Variants in FHIT observed in about 807,000 individuals in gnomAD.
The protein encoded by FHIT is bis(5'-adenosyl)-triphosphatase.
In FHIT, 19 loss-of-function variants were observed where a neutral mutation model predicts 17.9. That is an observed-to-expected ratio of 1.06 (90% CI 0.74 to 1.56). The LOEUF (loss-of-function observed/expected upper bound fraction) is 1.56. Ranked by LOEUF, FHIT falls within the 40% of genes most tolerant of loss-of-function variation. FHIT has a pLI of 0.00. For missense variants in FHIT, 248 were observed against 189.2 expected, an observed-to-expected ratio of 1.31 and a Z score of -1.82; for synonymous variants, 81 against 69.7, an observed-to-expected ratio of 1.16 and a Z score of -0.81.
At chr3:61,201,720 G>A (rs1348619217) in intron 1 of FHIT, among the ~76,000 whole-genome samples, 2 of 149,694 alleles carry the variant, frequency 1.3e-5, no homozygotes, top group Non-Finnish European at 2.9e-5. Flanking sequence ...CCCTTCTATG[G>A]GACAGCATCA....
intron 5 of FHIT, among the ~76,000 whole-genome samples, chr3:60,022,166 G>C (rs1407173861): frequency 6.6e-6 from 1 of 151,902 alleles, no homozygotes; most frequent in Non-Finnish European, 1.5e-5. Context: ...AAAACACAGA[G>C]AGGCCTGAGT....
At chr3:60,923,665 A>G (rs571686489) in intron 3 of FHIT, among the ~76,000 whole-genome samples, 1 of 152,142 alleles carries the variant, frequency 6.6e-6, no homozygotes, top group East Asian at 1.9e-4. Context: ...TGCATTTCCA[A>G]CTGAGGTACC....
At chr3:59,805,412 GTCTT>G (rs1446026177) in intron 8 of FHIT, among the ~76,000 whole-genome samples, 2 of 152,166 alleles carry the variant, frequency 1.3e-5, no homozygotes, top group Non-Finnish European at 2.9e-5. Context: ...AAGTAGGAAG[GTCTT>G]TCTGACTGTT....
chr3:60,918,159 C>A (rs1354220621), intron 3 of FHIT, among the ~76,000 whole-genome samples: 1 of 152,202 alleles, frequency 6.6e-6, no homozygotes, highest in Non-Finnish European at 1.5e-5. Context: ...GTAAGGCATG[C>A]CTTTCTCCTC....
intron 8 of FHIT, among the ~76,000 whole-genome samples, chr3:59,919,143 G>A (rs1705282770): frequency 6.6e-6 from 1 of 152,124 alleles, no homozygotes; most frequent in African/African-American, 2.4e-5. Context: ...TGGCGGTAAT[G>A]ATCAAATGGG....
At chr3:59,961,602 A>G (rs745715178) in intron 7 of FHIT, among the ~76,000 whole-genome samples, 1 of 152,134 alleles carries the variant, frequency 6.6e-6, no homozygotes, top group Non-Finnish European at 1.5e-5. Flanking sequence ...AAAGCGTGGT[A>G]TCTGGGCTGG....
At chr3:60,151,052 T>C (rs915581020) in intron 5 of FHIT, among the ~76,000 whole-genome samples, 2 of 152,210 alleles carry the variant, frequency 1.3e-5, no homozygotes, top group Non-Finnish European at 2.9e-5. Flanking sequence ...GTTATAAAGT[T>C]GGATGGATTT....
At chr3:60,788,946 G>A (rs901667606) in intron 4 of FHIT, among the ~76,000 whole-genome samples, 5 of 151,544 alleles carry the variant, frequency 3.3e-5, no homozygotes, top group Non-Finnish European at 5.9e-5. Context: ...CCACCAACAG[G>A]GACTAGACAA....
chr3:60,258,792 T>C (rs924758617), intron 5 of FHIT, among the ~76,000 whole-genome samples: 19 of 152,180 alleles, frequency 1.2e-4, no homozygotes, highest in Non-Finnish European at 2.9e-5. Context: ...AAAAGTATTA[T>C]TGGATGAAAA....
At chr3:60,474,687 A>C (rs2033257164) in intron 5 of FHIT, among the ~76,000 whole-genome samples, 1 of 151,742 alleles carries the variant, frequency 6.6e-6, no homozygotes, top group Middle Eastern at 3.2e-3. Flanking sequence ...GCAGTGGCAC[A>C]ATCTCGGCTC....
intron 2 of FHIT, among the ~76,000 whole-genome samples, chr3:61,145,675 T>C (rs957594301): frequency 9.9e-5 from 15 of 152,126 alleles, no homozygotes; most frequent in Non-Finnish European, 2.1e-4. Flanking sequence ...TATCTTTCCA[T>C]TTATTTATTC....
intron 3 of FHIT, among the ~76,000 whole-genome samples, chr3:60,923,434 A>G (rs1190003990): frequency 6.6e-6 from 1 of 152,242 alleles, no homozygotes; most frequent in African/African-American, 2.4e-5. Flanking sequence ...GAGATAATGT[A>G]CACAAAGCAT....
intron 3 of FHIT, among the ~76,000 whole-genome samples, chr3:60,915,476 A>G (rs1196377490): frequency 6.6e-6 from 1 of 152,198 alleles, no homozygotes; most frequent in Non-Finnish European, 1.5e-5. Flanking sequence ...GAGCATTTTC[A>G]TAAATATACC....
At position 60,909,566 on chromosome 3, in the gene FHIT, T is replaced by C. The variant is rs535736034; in HGVS notation, c.-110-87555A>G. On this transcript the variant is annotated intron_variant, in intron 3 of 9. Transcript: ENST00000492590. ...GGATACAGCACACTCCACATCATTC[T>C]ATTTTATTTTTATCATCCCATTCCA... is the stretch of plus-strand genomic sequence containing the variant. Among the ~76,000 whole-genome samples, 38 of 152,332 alleles carry C rather than the reference T, an allele frequency of 2.5e-4. 1 individual carries two copies. The highest frequency in any genetic ancestry group is 5.4e-4 in the Non-Finnish European group (37 of 68,036).
intron 4 of FHIT, among the ~76,000 whole-genome samples, chr3:60,622,358 C>A (rs1170957041): frequency 6.6e-6 from 1 of 150,908 alleles, no homozygotes; most frequent in African/African-American, 2.4e-5. Context: ...TTGAAACGTA[C>A]AAATCTAGAT....
intron 8 of FHIT, among the ~76,000 whole-genome samples, chr3:59,801,552 A>C (rs543916584): frequency 6.6e-5 from 10 of 152,274 alleles, no homozygotes; most frequent in African/African-American, 2.4e-4. Flanking sequence ...GAAAAACAAA[A>C]GAAGAAGCCC....
intron 8 of FHIT, among the ~76,000 whole-genome samples, chr3:59,880,694 T>C (rs988208259): frequency 1.3e-5 from 2 of 152,218 alleles, no homozygotes; most frequent in African/African-American, 2.4e-5. Flanking sequence ...GAGCCTGAGA[T>C]AGTATCAGGC....
intron 3 of FHIT, among the ~76,000 whole-genome samples, chr3:60,828,897 A>G (rs1476706368): frequency 2.6e-5 from 4 of 152,092 alleles, no homozygotes; most frequent in Non-Finnish European, 5.9e-5. Flanking sequence ...CAAATAAACA[A>G]ACAAAAACAA....
At chr3:60,986,837 T>C (rs1710740192) in intron 3 of FHIT, among the ~76,000 whole-genome samples, 2 of 152,318 alleles carry the variant, frequency 1.3e-5, no homozygotes, top group South Asian at 4.1e-4. Flanking sequence ...TGTGGGCACT[T>C]ACTCATTAAT....
Sources: gnomAD v4.1 joint callset for allele counts (sites outside exome capture counted in the v4.1 genomes callset) on GRCh38, gnomAD v4.1.1 for gene constraint, MANE v1.5 for transcripts, NCBI Gene and HGNC (gene_info 2026-07-23, HGNC 2026-07-21) for gene names.